TGM2: variants seen among roughly 807,000 people sequenced by gnomAD.
TGM2 encodes the protein protein-glutamine gamma-glutamyltransferase 2.
In TGM2, 53 loss-of-function variants were observed where a neutral mutation model predicts 75.6. That is an observed-to-expected ratio of 0.70 (90% CI 0.56 to 0.88). The LOEUF (loss-of-function observed/expected upper bound fraction) is 0.88. Ranked by LOEUF, TGM2 falls within the 40% of genes least tolerant of loss-of-function variation. The pLI, the probability that TGM2 is intolerant of heterozygous loss-of-function variation, is 0.00. For missense variants in TGM2, 842 were observed against 928.5 expected (o/e 0.91, Z 1.21); for synonymous variants, 374 against 381.1 (o/e 0.98, Z 0.22).
At chr20:38,164,902 A>G (rs2122985568) in intron 1 of TGM2, among the ~76,000 whole-genome samples, 1 of 152,246 alleles carries the variant, frequency 6.6e-6, no homozygotes, top group South Asian at 2.1e-4. Flanking sequence ...GCCAGCCCCC[A>G]CTGACTGACT....
At chr20:38,139,199 C>T (rs1007819801) in intron 9 of TGM2, among the ~76,000 whole-genome samples, 2 of 152,224 alleles carry the variant, frequency 1.3e-5, no homozygotes, top group Non-Finnish European at 2.9e-5. Context: ...TAGCAGAGAA[C>T]TCTTTCCCTA....
intron 2 of TGM2, 60 bp from the exon 3 acceptor site, chr20:38,156,149 C>T: frequency 1.3e-6 from 2 of 1,577,396 alleles, no homozygotes; most frequent in Non-Finnish European, 8.6e-7. Context: ...GGGCAGGGCA[C>T]CTACGTGGGG....
upstream of TGM2, among the ~76,000 whole-genome samples, chr20:38,167,585 C>T (rs552896086): frequency 5.9e-5 from 9 of 152,260 alleles, no homozygotes; most frequent in Non-Finnish European, 1.2e-4. Flanking sequence ...GTGATCTGCA[C>T]GCCTCGACCT....
intron 2 of TGM2, among the ~76,000 whole-genome samples, chr20:38,161,036 C>T (rs1219764495): frequency 2.0e-5 from 3 of 152,122 alleles, no homozygotes; most frequent in Non-Finnish European, 4.4e-5. Flanking sequence ...AACTCCCAAC[C>T]TCAGGTGATC....
chr20:38,164,161 C>T (rs566807570), intron 1 of TGM2, among the ~76,000 whole-genome samples: 6 of 152,292 alleles, frequency 3.9e-5, no homozygotes, highest in South Asian at 2.1e-4. Flanking sequence ...GCCACCGAGG[C>T]GACACATCAC....
intron 4 of TGM2, 81 bp from the exon 5 acceptor site, chr20:38,148,170 G>A (rs2075069890): frequency 6.3e-7 from 1 of 1,584,602 alleles, no homozygotes; most frequent in African/African-American, 1.3e-5. Context: ...GCCTCCAGCA[G>A]CTGTTTCCCA....
chr20:38,163,167 T>A (rs1297657669), intron 1 of TGM2, among the ~76,000 whole-genome samples: 1 of 151,478 alleles, frequency 6.6e-6, no homozygotes, highest in African/African-American at 2.4e-5. Context: ...TGGGTGGGGG[T>A]CTTGGGGGAA....
upstream of TGM2, chr20:38,165,407 A>C (rs906806223): frequency 1.5e-6 from 1 of 668,700 alleles, no homozygotes; most frequent in Non-Finnish European, 2.4e-6. Flanking sequence ...GGGCTCACCC[A>C]GGGGACCGGA....
intron 4 of TGM2, among the ~76,000 whole-genome samples, chr20:38,149,757 A>G (rs2075095710): frequency 6.6e-6 from 1 of 151,932 alleles, no homozygotes. Flanking sequence ...TCAGGAGAGA[A>G]TAAAAAGCCA....
chr20:38,135,832 G>A (rs560062877), intron 10 of TGM2, among the ~76,000 whole-genome samples: 3 of 152,272 alleles, frequency 2.0e-5, no homozygotes, highest in Admixed American at 6.5e-5. Flanking sequence ...GGGCCCCACC[G>A]TGTGCTGGTG....
chr20:38,146,463 G>T, intron 6 of TGM2: 1 of 570,860 alleles, frequency 1.8e-6, no homozygotes, highest in East Asian at 3.0e-5. Flanking sequence ...TGAGAACGTG[G>T]GCTCCAGTGC....
chr20:38,160,045 G>A (rs924221863), intron 2 of TGM2, among the ~76,000 whole-genome samples: 1 of 152,218 alleles, frequency 6.6e-6, no homozygotes, highest in Non-Finnish European at 1.5e-5. Context: ...CAGTGTGCTT[G>A]TGGGGGAGCC....
chr20:38,138,962 C>A (rs115552696), intron 9 of TGM2, among the ~76,000 whole-genome samples: 120 of 152,254 alleles, frequency 7.9e-4, no homozygotes, highest in African/African-American at 2.7e-3. Flanking sequence ...AGCATCATTT[C>A]ATTCTGTGTT....
At chr20:38,149,504 C>T (rs528865424) in intron 4 of TGM2, among the ~76,000 whole-genome samples, 3 of 151,822 alleles carry the variant, frequency 2.0e-5, no homozygotes, top group Admixed American at 6.6e-5. Flanking sequence ...GGTGAAACCC[C>T]GTCTCTACTA....
At chr20:38,165,129 G>A (rs1410128936) in intron 1 of TGM2, 60 bp downstream of exon 1, 8 of 1,613,288 alleles carry the variant, frequency 5.0e-6, no homozygotes, top group Admixed American at 1.7e-5. Context: ...CTCCCACCGG[G>A]TCCTGACCCC....
At chr20:38,132,618 A>G (rs1275961163) in intron 10 of TGM2, 118 bp from the exon 11 acceptor site, 1 of 1,389,024 alleles carries the variant, frequency 7.2e-7, no homozygotes, top group East Asian at 2.3e-5. Context: ...CAGCGGGGGA[A>G]TGGCTGGGCG....
At chr20:38,168,219 G>T (rs1004928074), upstream of TGM2, among the ~76,000 whole-genome samples, 1 of 152,216 alleles carries the variant, frequency 6.6e-6, no homozygotes, top group East Asian at 1.9e-4. Context: ...CCGGGGTCAG[G>T]ACTGGCTTCT....
chr20:38,127,434 CT>C lies in TGM2; in HGVS notation c.*2784del, dbSNP rs1397279373. 2.2e-5 allele frequency: 20 copies of C among 917,444 alleles called. No homozygotes were observed. Among genetic ancestry groups the C allele is most frequent in the Non-Finnish European group, 2.5e-5 (19 of 767,812 alleles). The allele number at this position is 917,444 out of a possible 1,614,324, so 56.8% of individuals were successfully genotyped here. On this transcript the variant is annotated 3_prime_UTR_variant, in exon 13 of 13. Coordinates refer to ENST00000361475, the MANE Select transcript of TGM2 (RefSeq NM_004613.4). ...TTTATTTTTTATGTGCATGTCATGT[CT>C]TTCTACATGACTTCCCAAGGGTGGG...
At chr20:38,161,992 C>T (rs1169799225) in intron 1 of TGM2, among the ~76,000 whole-genome samples, 1 of 152,034 alleles carries the variant, frequency 6.6e-6, no homozygotes, top group African/African-American at 2.4e-5. Context: ...GGTATGTGCC[C>T]AGCTAATTTC....
Sources: allele counts gnomAD v4.1 joint callset (sites outside exome capture counted in the v4.1 genomes callset), GRCh38; gene constraint gnomAD v4.1.1; transcripts MANE v1.5; gene names NCBI Gene and HGNC (gene_info 2026-07-23, HGNC 2026-07-21).